Variants in NAPEPLD observed in about 807,000 individuals in gnomAD.
NAPEPLD encodes the protein N-acyl phosphatidylethanolamine phospholipase D, also known as N-acyl-phosphatidylethanolamine-hydrolyzing phospholipase D.
NAPEPLD carries 23 observed loss-of-function variants against 38.1 expected under a neutral mutation model. The observed-to-expected ratio is 0.60, with a 90% CI of 0.43 to 0.86. NAPEPLD has a LOEUF of 0.86. Among genes scored for constraint, NAPEPLD ranks in the 40% least tolerant of loss-of-function variants. The probability of loss-of-function intolerance (pLI) is 0.00; values close to 1 mark genes in which losing one functional copy is unlikely to be tolerated. For missense variants in NAPEPLD, 411 were observed against 476.8 expected (o/e 0.86, Z 1.28); for synonymous variants, 147 against 162.0 (o/e 0.91, Z 0.71).
At chr7:103,149,381 C>T (rs1481258136), upstream of NAPEPLD, 4 of 1,170,252 alleles carry the variant, frequency 3.4e-6, no homozygotes, top group East Asian at 2.9e-4. Context: ...GGGGCGACCG[C>T]GGCAGGCGCT....
At chr7:103,137,444 A>G (rs555800629) in intron 1 of NAPEPLD, among the ~76,000 whole-genome samples, 5 of 152,128 alleles carry the variant, frequency 3.3e-5, no homozygotes, top group Non-Finnish European at 4.4e-5. Flanking sequence ...TTAAGAACAA[A>G]GCCTATTTAT....
At chr7:103,136,722 A>G (rs1289062236) in intron 1 of NAPEPLD, among the ~76,000 whole-genome samples, 2 of 152,128 alleles carry the variant, frequency 1.3e-5, no homozygotes, top group South Asian at 2.1e-4. Context: ...AGCCTAAGTT[A>G]CTGAATTTTT....
Position 103,100,210 on chromosome 7 carries a change from C to A in NAPEPLD, c.*3219G>T, listed in dbSNP as rs1485503442. The A allele has an allele frequency of 4.6e-5, 7 of 152,282 alleles. No homozygotes were observed. Among genetic ancestry groups the A allele is most frequent in the African/African-American group, 1.7e-4 (7 of 41,548 alleles). The allele number at this position is 152,282 out of a possible 1,614,324, so 9.4% of individuals were successfully genotyped here. On this transcript the variant is annotated 3_prime_UTR_variant, in exon 5 of 5. Coordinates refer to ENST00000465647, the MANE Select transcript of NAPEPLD (RefSeq NM_001122838.3). ...CTAGACATGAACAAAAGTATTCATTCCCCAAAAGGCACATTTCTTTATAAC... is the reference window on the plus strand; with the variant it reads ...CTAGACATGAACAAAAGTATTCATTACCCAAAAGGCACATTTCTTTATAAC...
At chr7:103,132,237 C>G (rs1405608430) in intron 1 of NAPEPLD, among the ~76,000 whole-genome samples, 1 of 152,196 alleles carries the variant, frequency 6.6e-6, no homozygotes, top group African/African-American at 2.4e-5. Flanking sequence ...TTCATTTAAA[C>G]TCATGCTCCT....
chr7:103,107,211 A>G (rs901916973), intron 4 of NAPEPLD, among the ~76,000 whole-genome samples: 1 of 152,150 alleles, frequency 6.6e-6, no homozygotes, highest in African/African-American at 2.4e-5. Context: ...CAGCATCAAC[A>G]AAAAGGACGT....
chr7:103,121,519 G>A (rs1806694809), intron 2 of NAPEPLD, among the ~76,000 whole-genome samples: 1 of 152,074 alleles, frequency 6.6e-6, no homozygotes, highest in East Asian at 1.9e-4. Flanking sequence ...AGAGCACCTG[G>A]CTTTGTCATT....
At chr7:103,114,150 G>A (rs1247019471) in intron 4 of NAPEPLD, among the ~76,000 whole-genome samples, 2 of 152,170 alleles carry the variant, frequency 1.3e-5, no homozygotes, top group Non-Finnish European at 2.9e-5. Context: ...ACCTGCCTCA[G>A]CCTCCCAAAG....
chr7:103,139,400 T>C (rs1375231580), intron 1 of NAPEPLD, among the ~76,000 whole-genome samples: 2 of 152,196 alleles, frequency 1.3e-5, no homozygotes, highest in East Asian at 3.8e-4. Context: ...TCAGCTCTGA[T>C]TAATGAAAAT....
At chr7:103,129,210 A>G (rs1808441355) in intron 1 of NAPEPLD, 1 of 635,366 alleles carries the variant, frequency 1.6e-6, no homozygotes, top group Non-Finnish European at 2.0e-6. Context: ...GGTTGTGGTG[A>G]GCTGAGATCA....
At chr7:103,109,900 C>G (rs1804173239) in intron 4 of NAPEPLD, among the ~76,000 whole-genome samples, 1 of 152,098 alleles carries the variant, frequency 6.6e-6, no homozygotes, top group African/African-American at 2.4e-5. Context: ...ACCACTGATC[C>G]CACAGAAATA....
chr7:103,146,094 A>T (rs918176632), intron 1 of NAPEPLD, among the ~76,000 whole-genome samples: 1 of 152,210 alleles, frequency 6.6e-6, no homozygotes, highest in Non-Finnish European at 1.5e-5. Flanking sequence ...ACTTGAACAG[A>T]GAACATCTTT....
chr7:103,143,893 C>T (rs969713425), intron 1 of NAPEPLD, among the ~76,000 whole-genome samples: 1 of 152,216 alleles, frequency 6.6e-6, no homozygotes, highest in Non-Finnish European at 1.5e-5. Flanking sequence ...GATCAACACA[C>T]TGCAGCCTTG....
chr7:103,099,921 ATAG>A lies in NAPEPLD; in HGVS notation c.*3505_*3507del, dbSNP rs1802151306. On this transcript the variant is annotated 3_prime_UTR_variant, in exon 5 of 5. Coordinates refer to ENST00000465647, the MANE Select transcript of NAPEPLD (RefSeq NM_001122838.3). ...TACATCTGGGATTCAGCCAGGTCTT[ATAG>A]TATTTAAATTTATAACCCCTGCCAT... 6.6e-6 allele frequency: 1 copy of A among 152,182 alleles called. No homozygotes were observed. Among genetic ancestry groups the A allele is most frequent in the Non-Finnish European group, 1.5e-5 (1 of 68,036 alleles). 9.4% of individuals were successfully genotyped at this position (152,182 alleles called of 1,614,324 possible).
intron 4 of NAPEPLD, among the ~76,000 whole-genome samples, chr7:103,110,500 T>C (rs951532170): frequency 9.2e-5 from 14 of 152,276 alleles, no homozygotes; most frequent in South Asian, 2.1e-4. Flanking sequence ...ATTGTCTCAA[T>C]AGAAGCAGAA....
upstream of NAPEPLD, chr7:103,149,392 C>T (rs941362753): frequency 8.5e-6 from 10 of 1,177,104 alleles, no homozygotes; most frequent in African/African-American, 8.5e-5. Flanking sequence ...GGCAGGCGCT[C>T]GGGTTCTTCC....
chr7:103,111,453 C>T (rs184168179), intron 4 of NAPEPLD, among the ~76,000 whole-genome samples: 4 of 152,154 alleles, frequency 2.6e-5, no homozygotes, highest in African/African-American at 7.2e-5. Flanking sequence ...AGAAGTAACA[C>T]CACACATCTA....
intron 2 of NAPEPLD, chr7:103,127,649 C>A (rs1207858412): frequency 6.6e-6 from 1 of 152,154 alleles, no homozygotes; most frequent in East Asian, 1.9e-4. Flanking sequence ...GAGAGTCTTT[C>A]CCTCAGGAAA....
In NAPEPLD at chr7:103,101,999, T is replaced by TCA. The variant is rs1802466829; in HGVS notation, c.*1429_*1430insTG. On this transcript the variant is annotated 3_prime_UTR_variant, in exon 5 of 5. Coordinates refer to ENST00000465647, the MANE Select transcript of NAPEPLD (RefSeq NM_001122838.3). ...AGGACTAAATCTTATGTCAACTGAC[T>TCA]CCCCCCCCGCCCCCCAACCACTGGC... is the stretch of plus-strand genomic sequence containing the variant. The TCA allele has an allele frequency of 8.0e-6, 1 of 124,676 alleles. No individual in the cohort carries two copies. The highest frequency in any genetic ancestry group is 3.0e-5 in the African/African-American group (1 of 33,460). The allele number at this position is 124,676 out of a possible 1,614,324, so 7.7% of individuals were successfully genotyped here.
At chr7:103,136,280 A>G (rs1404885266) in intron 1 of NAPEPLD, among the ~76,000 whole-genome samples, 1 of 151,248 alleles carries the variant, frequency 6.6e-6, no homozygotes, top group East Asian at 1.9e-4. Flanking sequence ...AAAAAAATGC[A>G]AATTGTTGAG....
Sources: gnomAD v4.1 joint callset for allele counts (sites outside exome capture counted in the v4.1 genomes callset) on GRCh38, gnomAD v4.1.1 for gene constraint, MANE v1.5 for transcripts, NCBI Gene and HGNC (gene_info 2026-07-23, HGNC 2026-07-21) for gene names.